Variants in SMAD9 observed in about 807,000 individuals in gnomAD.
SMAD9 encodes SMAD family member 9.
SMAD9 carries 36 observed loss-of-function variants against 46.1 expected under a neutral mutation model. That is an observed-to-expected ratio of 0.78 (90% CI 0.60 to 1.03). The LOEUF is 1.03. Ranked by LOEUF, SMAD9 falls within the 50% of genes least tolerant of loss-of-function variation. The probability of loss-of-function intolerance (pLI) is 0.00; values close to 1 mark genes in which losing one functional copy is unlikely to be tolerated. For missense variants in SMAD9, 572 were observed against 599.8 expected (o/e 0.95, Z 0.48); for synonymous variants, 245 against 237.1 (o/e 1.03, Z -0.31).
intron 5 of SMAD9, among the ~76,000 whole-genome samples, chr13:36,861,487 TG>T (rs2058181681): frequency 6.6e-6 from 1 of 151,716 alleles, no homozygotes; most frequent in Non-Finnish European, 1.5e-5. Context: ...GCTAATTTTT[TG>T]TATTTTTAGT....
At chr13:36,849,709 T>C (rs1437597811) in intron 6 of SMAD9, 3 of 152,012 alleles carry the variant, frequency 2.0e-5, no homozygotes, top group African/African-American at 7.2e-5. Context: ...GAAAAATGAA[T>C]ACATCAGAAA....
intron 1 of SMAD9, among the ~76,000 whole-genome samples, chr13:36,892,210 C>T (rs1028477684): frequency 2.0e-5 from 3 of 152,126 alleles, no homozygotes; most frequent in African/African-American, 7.2e-5. Flanking sequence ...TACAAAGTCA[C>T]GGAGGATACA....
chr13:36,878,268 C>T (rs2058366275), intron 2 of SMAD9, among the ~76,000 whole-genome samples: 1 of 152,104 alleles, frequency 6.6e-6, no homozygotes, highest in South Asian at 2.1e-4. Flanking sequence ...GCTTGAGGGA[C>T]CAATATAAGA....
At chr13:36,904,236 CAAT>C (rs1216670035) in intron 1 of SMAD9, among the ~76,000 whole-genome samples, 3 of 152,132 alleles carry the variant, frequency 2.0e-5, no homozygotes, top group African/African-American at 2.4e-5. Context: ...TCAAAATCAA[CAAT>C]GTGTCGTCAA....
intron 3 of SMAD9, among the ~76,000 whole-genome samples, chr13:36,868,930 G>A (rs182531418): frequency 2.0e-5 from 3 of 152,166 alleles, no homozygotes; most frequent in Non-Finnish European, 2.9e-5. Flanking sequence ...ATGAGATATC[G>A]TTCAGTCACA....
At chr13:36,917,062 T>C (rs1222214752) in intron 1 of SMAD9, among the ~76,000 whole-genome samples, 1 of 152,098 alleles carries the variant, frequency 6.6e-6, no homozygotes, top group African/African-American at 2.4e-5. Context: ...GAGAGCAGAA[T>C]ACAAGTCAGG....
chr13:36,849,238 T>A (rs1593542553), intron 6 of SMAD9: 1 of 167,334 alleles, frequency 6.0e-6, no homozygotes, highest in South Asian at 1.7e-4. Flanking sequence ...TGGAAGGCGC[T>A]CTTGGTTTTT....
At position 36,872,555 on chromosome 13, in the gene SMAD9, T is replaced by C. The variant is rs1313578563; in HGVS notation, c.670+103A>G. ...ATTGCTTTGTAAACTGTTTATACTA[T>C]ATGAATGACAGTTACAATGACTGTC... is the stretch of plus-strand genomic sequence containing the variant. On this transcript the variant is annotated intron_variant, in intron 3 of 6. Transcript: ENST00000379826. 1.8e-5 allele frequency: 24 copies of C among 1,334,428 alleles called. No individual in the cohort carries two copies. In the East Asian group the frequency reaches 2.5e-4, roughly 14 times the overall value. The allele number at this position is 1,334,428 out of a possible 1,614,324, so 82.7% of individuals were successfully genotyped here.
intron 3 of SMAD9, among the ~76,000 whole-genome samples, chr13:36,870,442 C>T (rs61950369): frequency 6.6e-6 from 1 of 152,166 alleles, no homozygotes; most frequent in Admixed American, 6.5e-5. Context: ...GCATCTCTGC[C>T]TTCACCCTAC....
intron 1 of SMAD9, among the ~76,000 whole-genome samples, chr13:36,914,320 C>T (rs1315194546): frequency 1.3e-5 from 2 of 152,250 alleles, no homozygotes; most frequent in African/African-American, 2.4e-5. Flanking sequence ...GAGATCGAGA[C>T]CATCCTGGCT....
intron 1 of SMAD9, among the ~76,000 whole-genome samples, chr13:36,909,295 T>C (rs2058642089): frequency 6.6e-6 from 1 of 152,174 alleles, no homozygotes. Flanking sequence ...GCCCAATAGT[T>C]TGGGTCACTT....
intron 3 of SMAD9, among the ~76,000 whole-genome samples, chr13:36,869,829 CA>C (rs34654500): frequency 0.24 from 34,978 of 143,132 alleles, 4,945 homozygotes; most frequent in Non-Finnish European, 0.32. Context: ...AACTCCATCT[CA>C]AAAAAAAAAA....
Position 36,872,651 on chromosome 13 carries a change from T to C in SMAD9, c.670+7A>G. 1 of 1,613,970 alleles carries C rather than the reference T, an allele frequency of 6.2e-7. No individual in the cohort carries two copies. The highest frequency in any genetic ancestry group is 1.7e-5 in the Admixed American group (1 of 60,008). On this transcript the variant is annotated splice_region_variant and intron_variant, in intron 3 of 6. Coordinates refer to ENST00000379826, the MANE Select transcript of SMAD9 (RefSeq NM_001127217.3). ...GTATTTCCCCACAGACCATAGTTCT[T>C]ACTGACCTGAGTGTTGATAGGGACT...
intron 5 of SMAD9, among the ~76,000 whole-genome samples, chr13:36,862,433 G>T (rs1159699156): frequency 1.3e-5 from 2 of 152,100 alleles, no homozygotes; most frequent in Non-Finnish European, 2.9e-5. Flanking sequence ...GCATCAGCAT[G>T]CTAAAAGACA....
Position 36,883,612 on chromosome 13 carries a change from G to A in SMAD9, c.-186-3737C>T, listed in dbSNP as rs923985694. On this transcript the variant is annotated intron_variant, in intron 1 of 6. Transcript: ENST00000379826. Reference sequence around the variant, plus strand: ...CAAAAAATACAAAAGTTAATTGGGCGTGGTGGCGGGTACATGTAGTCCCAG... The same window carrying A: ...CAAAAAATACAAAAGTTAATTGGGCATGGTGGCGGGTACATGTAGTCCCAG... Among the ~76,000 whole-genome samples the A allele has an allele frequency of 4.6e-5, 7 of 152,244 alleles. No homozygotes were observed. In the South Asian group the frequency reaches 1.2e-3, roughly 27 times the overall value.
intron 1 of SMAD9, among the ~76,000 whole-genome samples, chr13:36,887,564 G>A (rs2058457680): frequency 6.6e-6 from 1 of 152,056 alleles, no homozygotes; most frequent in African/African-American, 2.4e-5. Context: ...TGCTTATATG[G>A]AGAACAGATC....
chr13:36,844,893 T>A lies in SMAD9; in HGVS notation c.*3783A>T, dbSNP rs190024052. Reference sequence around the variant, plus strand: ...ACAGTATAAGTGTGCATTTGATGGATAACCGAAGCCAAGTTATTATAATAG... The same window carrying A: ...ACAGTATAAGTGTGCATTTGATGGAAAACCGAAGCCAAGTTATTATAATAG... On this transcript the variant is annotated 3_prime_UTR_variant, in exon 7 of 7. Coordinates refer to ENST00000379826, the MANE Select transcript of SMAD9 (RefSeq NM_001127217.3). 3.5e-4 allele frequency: 49 copies of A among 141,500 alleles called. No individual in the cohort carries two copies. The East Asian group carries it at 9.6e-3, about 28-fold the overall frequency. The allele number at this position is 141,500 out of a possible 1,614,324, so 8.8% of individuals were successfully genotyped here.
intron 6 of SMAD9, among the ~76,000 whole-genome samples, chr13:36,850,373 CTTAT>C (rs1204100718): frequency 1.3e-5 from 2 of 152,004 alleles, no homozygotes; most frequent in Admixed American, 1.3e-4. Flanking sequence ...AGCCCCCTTT[CTTAT>C]TTATTTATTT....
chr13:36,868,718 A>AC lies in SMAD9; in HGVS notation c.671-1336dup, dbSNP rs150469093. ...CCCATACTCCAGCCTGGGTAACAAA[A>AC]CAAGGCCCTGTCTCTAAAAAATTAA... On this transcript the variant is annotated intron_variant, in intron 3 of 6. Coordinates refer to ENST00000379826, the MANE Select transcript of SMAD9 (RefSeq NM_001127217.3). Among the ~76,000 whole-genome samples the AC allele has an allele frequency of 2.2e-3, 330 of 152,250 alleles. 6 individuals carry two copies. The East Asian group carries it at 0.049, about 23-fold the overall frequency.
Sources: allele counts gnomAD v4.1 joint callset (sites outside exome capture counted in the v4.1 genomes callset), GRCh38; gene constraint gnomAD v4.1.1; transcripts MANE v1.5; gene names NCBI Gene and HGNC (gene_info 2026-07-23, HGNC 2026-07-21).